The following NTNG1 variants were observed in gnomAD, a reference collection of about 807,000 sequenced individuals.
The protein encoded by NTNG1 is netrin-G1.
In NTNG1, 16 loss-of-function variants were observed where a neutral mutation model predicts 54.0. That is an observed-to-expected ratio of 0.30 (90% CI 0.20 to 0.45). NTNG1 has a LOEUF of 0.45. NTNG1 is among the 20% of genes least tolerant of loss of function. NTNG1 has a pLI of 1.00. For synonymous variants in NTNG1, 255 were observed against 263.1 expected, an observed-to-expected ratio of 0.97 and a Z score of 0.30; for missense variants, 530 against 678.7, an observed-to-expected ratio of 0.78 and a Z score of 2.43.
At chr1:107,397,135 G>A (rs1439907420) in intron 4 of NTNG1, among the ~76,000 whole-genome samples, 1 of 152,138 alleles carries the variant, frequency 6.6e-6, no homozygotes, top group African/African-American at 2.4e-5. Context: ...ACTTCTTTCA[G>A]TTTTCCTTGT....
intron 2 of NTNG1, among the ~76,000 whole-genome samples, chr1:107,177,789 T>C (rs1557783750): frequency 6.6e-6 from 1 of 152,228 alleles, no homozygotes; most frequent in Non-Finnish European, 1.5e-5. Context: ...ATAAATTGCC[T>C]TTTTTCTTCC....
chr1:107,434,198 T>C lies in NTNG1; in HGVS notation c.1256-2467T>C, dbSNP rs563092947. ...TGCTGTAAAGGAACAACTCATATCT[T>C]TGACAAAATGTAGGCTCTGTGTGAT... On this transcript the variant is annotated intron_variant, in intron 6 of 7. Coordinates refer to ENST00000370068, the MANE Select transcript of NTNG1 (RefSeq NM_001113226.3). 3.3e-5 allele frequency among the ~76,000 whole-genome samples: 5 copies of C among 152,288 alleles called. No homozygotes were observed. In the South Asian group the frequency reaches 8.3e-4, roughly 25 times the overall value.
chr1:107,259,206 G>A (rs1443455358), intron 2 of NTNG1, among the ~76,000 whole-genome samples: 1 of 151,978 alleles, frequency 6.6e-6, no homozygotes, highest in Non-Finnish European at 1.5e-5. Flanking sequence ...TTTTTTTCCA[G>A]TATATTTTTA....
At position 107,477,715 on chromosome 1, in the gene NTNG1, C is replaced by A. The variant is rs1328200; in HGVS notation, c.1391-2896C>A. ...GAGTTTCCCCAGTAATTTGTAAATA[C>A]GTTTTTTGTAGATTTTTTTTATACT... On this transcript the variant is annotated intron_variant, in intron 7 of 7. Coordinates refer to ENST00000370068, the MANE Select transcript of NTNG1 (RefSeq NM_001113226.3). 5.7e-3 allele frequency among the ~76,000 whole-genome samples: 467 copies of A among 81,808 alleles called. 4 individuals are homozygous for A. The highest frequency in any genetic ancestry group is 0.023 in the African/African-American group (454 of 19,634). 53.7% of individuals were successfully genotyped at this position (81,808 alleles called of 152,430 possible).
intron 2 of NTNG1, among the ~76,000 whole-genome samples, chr1:107,184,871 A>G (rs1657332923): frequency 6.6e-6 from 1 of 152,222 alleles, no homozygotes. Flanking sequence ...TCAGGTATTC[A>G]GACAGGGTAA....
chr1:107,312,300 A>G (rs542750697), intron 2 of NTNG1, among the ~76,000 whole-genome samples: 2 of 152,274 alleles, frequency 1.3e-5, no homozygotes, highest in African/African-American at 4.8e-5. Flanking sequence ...TATTTAGGAA[A>G]TGGAAGAATT....
intron 3 of NTNG1, among the ~76,000 whole-genome samples, chr1:107,338,013 C>T (rs1317782729): frequency 1.3e-5 from 2 of 151,982 alleles, no homozygotes; most frequent in Admixed American, 1.3e-4. Context: ...TAATATCAGA[C>T]TGAGTTTTTA....
chr1:107,243,559 T>C (rs548202919), intron 2 of NTNG1, among the ~76,000 whole-genome samples: 2 of 152,312 alleles, frequency 1.3e-5, no homozygotes, highest in East Asian at 3.9e-4. Context: ...TTTTTTGTTT[T>C]TGTGTTTCGT....
At chr1:107,301,562 G>A (rs1472483343) in intron 2 of NTNG1, among the ~76,000 whole-genome samples, 2 of 152,114 alleles carry the variant, frequency 1.3e-5, no homozygotes, top group Non-Finnish European at 2.9e-5. Context: ...TTCCACTGCA[G>A]TAATGTATGT....
At chr1:107,461,150 A>G (rs903345174) in intron 7 of NTNG1, among the ~76,000 whole-genome samples, 8 of 152,226 alleles carry the variant, frequency 5.3e-5, no homozygotes, top group African/African-American at 1.9e-4. Flanking sequence ...GAAGACATAC[A>G]TAGACCCTGC....
chr1:107,349,195 T>A (rs1343133944), intron 3 of NTNG1, among the ~76,000 whole-genome samples: 1 of 152,192 alleles, frequency 6.6e-6, no homozygotes, highest in African/African-American at 2.4e-5. Flanking sequence ...TTTCATGGAT[T>A]CCTTCGCATT....
At chr1:107,250,399 A>G (rs6583019) in intron 2 of NTNG1, among the ~76,000 whole-genome samples, 95,308 of 151,846 alleles carry the variant, frequency 0.63, 33,135 homozygotes, top group Non-Finnish European at 0.78. Context: ...CTGAGGGTTG[A>G]GCCCAGGGCA....
chr1:107,204,834 G>A (rs1222539878), intron 2 of NTNG1, among the ~76,000 whole-genome samples: 1 of 152,066 alleles, frequency 6.6e-6, no homozygotes, highest in African/African-American at 2.4e-5. Context: ...CTTGACTACT[G>A]GTTTTGGGAT....
chr1:107,268,606 T>C (rs1433606180), intron 2 of NTNG1, among the ~76,000 whole-genome samples: 1 of 152,108 alleles, frequency 6.6e-6, no homozygotes, highest in Non-Finnish European at 1.5e-5. Context: ...TGGCTTTAAG[T>C]GTGAACTATA....
chr1:107,293,186 G>A (rs1665731389), intron 2 of NTNG1, among the ~76,000 whole-genome samples: 3 of 152,022 alleles, frequency 2.0e-5, no homozygotes, highest in Admixed American at 1.3e-4. Context: ...TCACTTAGGG[G>A]TTATTTACAA....
intron 3 of NTNG1, among the ~76,000 whole-genome samples, chr1:107,375,891 C>T (rs1557945095): frequency 6.6e-6 from 1 of 152,164 alleles, no homozygotes; most frequent in Admixed American, 6.5e-5. Context: ...ATTCTTGTGC[C>T]TAACCACCTC....
intron 3 of NTNG1, among the ~76,000 whole-genome samples, chr1:107,336,879 A>C (rs1018574913): frequency 2.6e-5 from 4 of 152,040 alleles, no homozygotes; most frequent in African/African-American, 9.7e-5. Context: ...GATGCTCAAG[A>C]TCATTAGTCA....
chr1:107,259,425 G>A (rs183635310), intron 2 of NTNG1, among the ~76,000 whole-genome samples: 1 of 152,138 alleles, frequency 6.6e-6, no homozygotes, highest in Non-Finnish European at 1.5e-5. Flanking sequence ...GGCATGAAAT[G>A]TAACACAGCT....
chr1:107,371,384 T>C (rs1382003277), intron 3 of NTNG1, among the ~76,000 whole-genome samples: 4 of 152,072 alleles, frequency 2.6e-5, no homozygotes, highest in Non-Finnish European at 5.9e-5. Flanking sequence ...TTGTTTAGAA[T>C]TTTTACATCT....
Sources: allele counts gnomAD v4.1 joint callset (sites outside exome capture counted in the v4.1 genomes callset), GRCh38; gene constraint gnomAD v4.1.1; transcripts MANE v1.5; gene names NCBI Gene and HGNC (gene_info 2026-07-23, HGNC 2026-07-21).